The following AKAP9 variants were observed in gnomAD, a reference collection of about 807,000 sequenced individuals.
The protein encoded by AKAP9 is A-kinase anchor protein 9.
A neutral mutation model predicts 488.5 loss-of-function variants in AKAP9; 311 were observed. The ratio of observed to expected loss-of-function variants is 0.64; its 90% confidence interval spans 0.58 to 0.70. The LOEUF (loss-of-function observed/expected upper bound fraction) is 0.70. AKAP9 is among the 30% of genes least tolerant of loss of function. The pLI, the probability that AKAP9 is intolerant of heterozygous loss-of-function variation, is 0.00. For synonymous variants in AKAP9, 1,462 were observed against 1,483.5 expected, an observed-to-expected ratio of 0.99 and a Z score of 0.33; for missense variants, 4,215 against 4,374.5, an observed-to-expected ratio of 0.96 and a Z score of 1.03.
chr7:92,055,843 C>T (rs1186338440), intron 22 of AKAP9, among the ~76,000 whole-genome samples: 3 of 151,918 alleles, frequency 2.0e-5, no homozygotes. Flanking sequence ...TGCCACTATC[C>T]TGAATCATCT....
intron 28 of AKAP9, among the ~76,000 whole-genome samples, chr7:92,076,570 G>T (rs1017358870): frequency 1.3e-5 from 2 of 152,078 alleles, no homozygotes; most frequent in Admixed American, 6.6e-5. Flanking sequence ...ACTCTTTTCT[G>T]CTTCAGGAGA....
At chr7:92,000,048 G>T (rs1798950638) in intron 7 of AKAP9, among the ~76,000 whole-genome samples, 1 of 152,180 alleles carries the variant, frequency 6.6e-6, no homozygotes, top group African/African-American at 2.4e-5. Flanking sequence ...GCAAAACTTT[G>T]ACCTAGGGCC....
chr7:91,955,140 T>C (rs1332088017), intron 1 of AKAP9, among the ~76,000 whole-genome samples: 2 of 152,160 alleles, frequency 1.3e-5, no homozygotes, highest in East Asian at 3.9e-4. Flanking sequence ...GAGAAGAATC[T>C]AAGTGACTGA....
intron 47 of AKAP9, 103 bp from the exon 48 acceptor site, chr7:92,107,190 A>C (rs1036308670): frequency 4.5e-6 from 5 of 1,105,506 alleles, no homozygotes; most frequent in Non-Finnish European, 6.8e-6. Flanking sequence ...GAGATTGTAT[A>C]ATATAGTATA....
rs769092998 is a variant in AKAP9, at chr7:92,082,526, C to T, written c.8024C>T (p.Thr2675Ile). 1 of 1,613,576 alleles carries T rather than the reference C, an allele frequency of 6.2e-7. No homozygotes were observed. The highest frequency in any genetic ancestry group is 1.1e-5 in the South Asian group (1 of 91,078). The change falls in exon 32 of 50, where the codon ACT becomes ATT. Residue 2675 changes from threonine (T) to isoleucine (I), a missense_variant. Coordinates refer to ENST00000356239, the MANE Select transcript of AKAP9 (RefSeq NM_005751.5). ...SPQDVEVLKT[T>I]TELFHSNEES... ...TGTGTTTCCGCTGTCATTCAGACAA[C>T]TACTGAGCTATTTCATAGCAATGAA...
intron 1 of AKAP9, among the ~76,000 whole-genome samples, chr7:91,948,643 C>CTTTTTTTT: frequency 7.8e-6 from 1 of 127,628 alleles, no homozygotes. Context: ...TGGAGTTTTG[C>CTTTTTTTT]TCTTGTCTCC....
chr7:92,025,562 A>G (rs1802978799), intron 14 of AKAP9, among the ~76,000 whole-genome samples: 1 of 152,210 alleles, frequency 6.6e-6, no homozygotes, highest in Admixed American at 6.5e-5. Context: ...TAAGAAAAAT[A>G]ATTGAATCAT....
chr7:92,052,563 ATAT>A (rs1335025191), intron 21 of AKAP9, among the ~76,000 whole-genome samples, 160 bp from the exon 22 acceptor site: 1 of 152,162 alleles, frequency 6.6e-6, no homozygotes, highest in African/African-American at 2.4e-5. Flanking sequence ...TTATTGAATA[ATAT>A]TATATCCTAT....
chr7:92,109,733 C>A (rs1382546732), intron 49 of AKAP9, among the ~76,000 whole-genome samples: 1 of 152,096 alleles, frequency 6.6e-6, no homozygotes, highest in Non-Finnish European at 1.5e-5. Context: ...GTCAGGAGTT[C>A]AAGACCAACC....
At position 92,077,067 on chromosome 7, in the gene AKAP9, TTTATTA is replaced by T. The variant is rs199680174; in HGVS notation, c.6765+78_6765+83del. ...AGTCATAGTTTCAGTCCTATATTGC[TTTATTA>T]TTATTATTATTATTATTTCTTTCTT... On this transcript the variant is annotated intron_variant, in intron 29 of 49. Coordinates refer to ENST00000356239, the MANE Select transcript of AKAP9 (RefSeq NM_005751.5). 84 of 472,006 alleles carry T rather than the reference TTTATTA, an allele frequency of 1.8e-4. No individual in the cohort carries two copies. In the East Asian group the frequency reaches 3.2e-3, roughly 18 times the overall value. 29.2% of individuals were successfully genotyped at this position (472,006 alleles called of 1,614,324 possible). A position where few individuals can be genotyped will look rare whatever the true frequency, so the allele number is the denominator to read the frequency against.
chr7:91,986,494 T>C (rs1397850074), intron 3 of AKAP9, among the ~76,000 whole-genome samples: 1 of 152,216 alleles, frequency 6.6e-6, no homozygotes, highest in East Asian at 1.9e-4. Flanking sequence ...CGCTGGGAGC[T>C]GCAGACCGGA....
chr7:92,016,147 G>T lies in AKAP9; in HGVS notation c.3631G>T (p.Gly1211Cys), dbSNP rs746335356. The T allele has an allele frequency of 1.2e-6, 2 of 1,603,920 alleles. No individual in the cohort carries two copies. The highest frequency in any genetic ancestry group is 1.7e-6 in the Non-Finnish European group (2 of 1,171,628). Residue 1211 changes from glycine to cysteine, a missense_variant, in exon 11 of 50, where the codon GGT (glycine) becomes TGT (cysteine). Physicochemically the swap from Gly to Cys is radical, Grantham distance 159. Coordinates refer to ENST00000356239, the MANE Select transcript of AKAP9 (RefSeq NM_005751.5). ...TTAACAGACTTTATGCAGTGTCCTT[G>T]GTGAATATTATACTCCTGCTTTAAA... ...YFLQTLCSVL[G>C]EYYTPALKCE...
intron 8 of AKAP9, among the ~76,000 whole-genome samples, chr7:92,007,435 A>G (rs375464031): frequency 3.4e-4 from 52 of 152,140 alleles, no homozygotes; most frequent in African/African-American, 1.2e-3. Flanking sequence ...TATTTTTAGT[A>G]GAGATGGGGT....
rs1799074597 is a variant in AKAP9, at chr7:92,000,893, G to A, written c.976G>A (p.Glu326Lys). The change falls in exon 8 of 50, where the codon GAA (glutamate) becomes AAA (lysine). Residue 326 changes from glutamate to lysine, a missense_variant. Glu to Lys is a moderately conservative substitution (Grantham distance 56). This residue lies in a region of AKAP9 where 2,361 missense variants were observed against 2,430.0 expected (regional missense o/e 0.97). Transcript: ENST00000356239. ...VENSNKEEIQ[E>K]KETIIEELNT... ...AAACTCAAATAAAGAAGAAATACAG[G>A]AAAAGGAGACAATCATTGAAGAATT... The A allele has an allele frequency of 2.1e-6, 3 of 1,431,800 alleles. No individual in the cohort carries two copies. Among genetic ancestry groups the A allele is most frequent in the Non-Finnish European group, 9.4e-7 (1 of 1,065,818 alleles). 88.7% of individuals were successfully genotyped at this position (1,431,800 alleles called of 1,614,324 possible).
chr7:92,087,129 A>G (rs1474550161), intron 37 of AKAP9, among the ~76,000 whole-genome samples: 2 of 152,234 alleles, frequency 1.3e-5, no homozygotes, highest in Non-Finnish European at 2.9e-5. Context: ...TTGCTGCTGT[A>G]TGCATTTCTG....
At chr7:92,012,973 ATTTTTTTTTTTTTTTT>A (rs749688986) in intron 9 of AKAP9, among the ~76,000 whole-genome samples, 7 of 60,752 alleles carry the variant, frequency 1.2e-4, no homozygotes, top group South Asian at 1.3e-3. Flanking sequence ...TGGGGTTGGA[ATTTTTTTTTTTTTTTT>A]TTTTTTTTTT....
chr7:91,967,478 T>G (rs1244567912), intron 1 of AKAP9, among the ~76,000 whole-genome samples: 1 of 152,236 alleles, frequency 6.6e-6, no homozygotes, highest in Non-Finnish European at 1.5e-5. Context: ...GGTATGCATC[T>G]TCTGTATCCA....
intron 6 of AKAP9, 61 bp downstream of exon 6, chr7:91,994,837 C>G: frequency 6.8e-7 from 1 of 1,480,776 alleles, no homozygotes; most frequent in South Asian, 1.2e-5. Flanking sequence ...TAAAAATTCA[C>G]TTTCAAGAAC....
At chr7:92,109,069 A>G (rs1335334582) in intron 49 of AKAP9, 2 of 276,332 alleles carry the variant, frequency 7.2e-6, no homozygotes, top group Non-Finnish European at 1.4e-5. Flanking sequence ...AAAAAAAGAA[A>G]GTGGTAAGGC....
Sources: gnomAD v4.1 joint callset for allele counts (sites outside exome capture counted in the v4.1 genomes callset) on GRCh38, gnomAD v4.1.1 for gene constraint, gnomAD v4.1.1 regional missense constraint, MANE v1.5 for transcripts, NCBI Gene and HGNC (gene_info 2026-07-23, HGNC 2026-07-21) for gene names.